Variants in DCC observed in about 807,000 individuals in gnomAD.
The protein encoded by DCC is netrin receptor DCC.
A neutral mutation model predicts 172.5 loss-of-function variants in DCC; 58 were observed. That is an observed-to-expected ratio of 0.34 (90% CI 0.27 to 0.42). The LOEUF is 0.42. DCC is among the 10% of genes least tolerant of loss of function. DCC has a pLI of 1.00. For missense variants in DCC, 1,740 were observed against 1,791.0 expected (o/e 0.97, Z 0.51); for synonymous variants, 709 against 644.5 (o/e 1.10, Z -1.52).
chr18:52,792,467 C>T (rs1215690900), intron 2 of DCC, among the ~76,000 whole-genome samples: 1 of 152,184 alleles, frequency 6.6e-6, no homozygotes, highest in Admixed American at 6.5e-5. Flanking sequence ...CTTTGGGTAA[C>T]ACTCAGGGGT....
At chr18:52,931,535 T>C (rs2040306526) in intron 5 of DCC, among the ~76,000 whole-genome samples, 1 of 152,074 alleles carries the variant, frequency 6.6e-6, no homozygotes, top group Non-Finnish European at 1.5e-5. Context: ...TTTTATAGAC[T>C]AGAAGAAAAG....
chr18:53,345,879 A>G (rs979090800), intron 15 of DCC, among the ~76,000 whole-genome samples: 1 of 151,956 alleles, frequency 6.6e-6, no homozygotes, highest in East Asian at 1.9e-4. Context: ...GTAATTATAC[A>G]TATGGTTGAA....
At chr18:53,235,692 G>T (rs373850966) in intron 12 of DCC, among the ~76,000 whole-genome samples, 1 of 57,828 alleles carries the variant, frequency 1.7e-5, no homozygotes, top group African/African-American at 6.3e-5. Context: ...TATATTCATA[G>T]TTTTGTAACC....
At chr18:53,309,922 G>GTATATATATATATA (rs5825006) in intron 13 of DCC, among the ~76,000 whole-genome samples, 8 of 123,512 alleles carry the variant, frequency 6.5e-5, no homozygotes, top group East Asian at 5.1e-4. Context: ...ATATGTGCGT[G>GTATATATATATATA]TATATATATA....
chr18:53,224,237 C>T (rs1056462787), intron 12 of DCC, among the ~76,000 whole-genome samples: 15 of 152,006 alleles, frequency 9.9e-5, no homozygotes, highest in African/African-American at 2.7e-4. Flanking sequence ...TGAGCTGAGG[C>T]GTGAATAGAA....
intron 15 of DCC, among the ~76,000 whole-genome samples, chr18:53,345,859 G>A (rs1011994798): frequency 1.3e-5 from 2 of 151,450 alleles, no homozygotes; most frequent in African/African-American, 4.9e-5. Context: ...TTAGACCATT[G>A]CAATTTAATG....
At chr18:52,602,794 C>A (rs1196176318) in intron 1 of DCC, among the ~76,000 whole-genome samples, 1 of 151,954 alleles carries the variant, frequency 6.6e-6, no homozygotes, top group East Asian at 1.9e-4. Flanking sequence ...TACCACTTGA[C>A]AAAGGAATAC....
At chr18:53,238,332 T>C (rs1283058220) in intron 12 of DCC, among the ~76,000 whole-genome samples, 1 of 152,190 alleles carries the variant, frequency 6.6e-6, no homozygotes, top group Non-Finnish European at 1.5e-5. Flanking sequence ...CATTAACATA[T>C]GGTAGTTGTG....
At chr18:53,248,477 C>A (rs1341185159) in intron 12 of DCC, among the ~76,000 whole-genome samples, 1 of 152,022 alleles carries the variant, frequency 6.6e-6, no homozygotes. Flanking sequence ...AAGAACACAT[C>A]TTGTCCTTCT....
intron 8 of DCC, 53 bp downstream of exon 8, chr18:53,157,565 A>G (rs1454461648): frequency 3.1e-6 from 5 of 1,591,434 alleles, no homozygotes; most frequent in African/African-American, 1.3e-5. Context: ...CTTTAAGTCA[A>G]TACGGTTGGG....
chr18:52,689,837 T>C (rs1315820383), intron 1 of DCC, among the ~76,000 whole-genome samples: 1 of 152,090 alleles, frequency 6.6e-6, no homozygotes, highest in African/African-American at 2.4e-5. Flanking sequence ...TGGGCCATGA[T>C]TGGATAGTAG....
chr18:53,256,556 G>C (rs1015134221), intron 12 of DCC, among the ~76,000 whole-genome samples: 1 of 152,014 alleles, frequency 6.6e-6, no homozygotes, highest in Non-Finnish European at 1.5e-5. Context: ...GCTCTGTTCT[G>C]TTCCATTGGT....
intron 5 of DCC, among the ~76,000 whole-genome samples, chr18:52,950,929 C>CAAAAAAAAAAAAAAA (rs755118442): frequency 1.9e-4 from 11 of 57,424 alleles, no homozygotes; most frequent in East Asian, 8.1e-4. Flanking sequence ...GACTCCGTCT[C>CAAAAAAAAAAAAAAA]AAAAAAAAAA....
At chr18:53,039,159 T>A (rs2042135407) in intron 5 of DCC, among the ~76,000 whole-genome samples, 2 of 152,000 alleles carry the variant, frequency 1.3e-5, no homozygotes, top group South Asian at 4.1e-4. Context: ...GTGGGATTTC[T>A]TTTTCTCAGA....
At chr18:53,301,566 CTCTT>C (rs2057142397) in intron 12 of DCC, among the ~76,000 whole-genome samples, 1 of 152,098 alleles carries the variant, frequency 6.6e-6, no homozygotes, top group Non-Finnish European at 1.5e-5. Flanking sequence ...AACAAACAGG[CTCTT>C]TCTTTCCCCT....
At chr18:53,477,484 G>A (rs375799337) in intron 25 of DCC, among the ~76,000 whole-genome samples, 2 of 151,994 alleles carry the variant, frequency 1.3e-5, no homozygotes, top group African/African-American at 4.8e-5. Flanking sequence ...CACTTACTGG[G>A]GTATCAAGCC....
chr18:52,428,007 A>C (rs142310313), intron 1 of DCC, among the ~76,000 whole-genome samples: 34 of 152,032 alleles, frequency 2.2e-4, no homozygotes, highest in African/African-American at 8.2e-4. Flanking sequence ...TCTAGGACCA[A>C]ATTGTCTTGG....
At chr18:52,708,441 C>CA (rs10605224) in intron 1 of DCC, among the ~76,000 whole-genome samples, 1,804 of 136,178 alleles carry the variant, frequency 0.013, 38 homozygotes, top group African/African-American at 0.045. Flanking sequence ...GACTCTGTCT[C>CA]AAAAAAAAAA....
At chr18:52,569,658 T>C (rs1174225555) in intron 1 of DCC, among the ~76,000 whole-genome samples, 1 of 152,172 alleles carries the variant, frequency 6.6e-6, no homozygotes, top group Non-Finnish European at 1.5e-5. Flanking sequence ...CCGATGTTTA[T>C]CTAGTGACTA....
Sources: allele counts gnomAD v4.1 joint callset (sites outside exome capture counted in the v4.1 genomes callset), GRCh38; gene constraint gnomAD v4.1.1; transcripts MANE v1.5; gene names NCBI Gene and HGNC (gene_info 2026-07-23, HGNC 2026-07-21).